Variants in FMN1 observed in about 807,000 individuals in gnomAD.
The protein encoded by FMN1 is formin 1.
In FMN1, 110 loss-of-function variants were observed where a neutral mutation model predicts 132.4. The observed-to-expected ratio is 0.83, with a 90% CI of 0.71 to 0.97. The LOEUF is 0.97. FMN1 is among the 50% of genes least tolerant of loss of function. FMN1 has a pLI of 0.00. For missense variants in FMN1, 1,792 were observed against 1,705.3 expected (o/e 1.05, Z -0.90); for synonymous variants, 722 against 651.7 (o/e 1.11, Z -1.64).
intron 3 of FMN1, among the ~76,000 whole-genome samples, chr15:33,171,479 A>G (rs1024941394): frequency 6.6e-6 from 1 of 152,146 alleles, no homozygotes; most frequent in East Asian, 1.9e-4. Context: ...TATCCTATAA[A>G]TAAGTACAAA....
intron 4 of FMN1, among the ~76,000 whole-genome samples, chr15:33,107,711 C>A (rs145283079): frequency 1.3e-5 from 2 of 152,184 alleles, no homozygotes; most frequent in African/African-American, 4.8e-5. Context: ...TTTTTGCCAA[C>A]AAGCTCTCTA....
intron 2 of FMN1, among the ~76,000 whole-genome samples, chr15:33,181,496 G>A (rs1330334212): frequency 1.3e-5 from 2 of 152,068 alleles, no homozygotes; most frequent in East Asian, 3.9e-4. Flanking sequence ...TCTGCCCGAT[G>A]GCTTTCTTAC....
chr15:32,797,534 C>G (rs1357533999), intron 19 of FMN1, among the ~76,000 whole-genome samples: 1 of 152,090 alleles, frequency 6.6e-6, no homozygotes, highest in African/African-American at 2.4e-5. Context: ...GGGTTGGGTG[C>G]CAAGATTTTT....
chr15:33,023,171 T>C (rs2141025425), intron 6 of FMN1, among the ~76,000 whole-genome samples: 1 of 141,536 alleles, frequency 7.1e-6, no homozygotes, highest in East Asian at 2.1e-4. Context: ...GTGAACCCAA[T>C]ACGCTATTAT....
intron 19 of FMN1, among the ~76,000 whole-genome samples, chr15:32,780,448 A>C (rs1374757167): frequency 6.6e-6 from 1 of 152,214 alleles, no homozygotes; most frequent in Admixed American, 6.5e-5. Flanking sequence ...GTTACCCTGT[A>C]TGGTCTTAAA....
At chr15:33,117,018 AC>A (rs2039954643) in intron 4 of FMN1, among the ~76,000 whole-genome samples, 1 of 152,174 alleles carries the variant, frequency 6.6e-6, no homozygotes, top group Admixed American at 6.5e-5. Context: ...TGTGGCACTG[AC>A]CCAAATTTCA....
Position 32,830,827 on chromosome 15 carries a change from G to A in FMN1, c.3928+26188C>T, listed in dbSNP as rs1359226908. On this transcript the variant is annotated intron_variant, in intron 17 of 20. Coordinates refer to ENST00000616417, the MANE Select transcript of FMN1 (RefSeq NM_001277313.2). ...AGGTGGAAATCAATTAGGGGTAGGAGCAGCGAGGGCCCTGGGGAGTGTTCA... is the reference window on the plus strand; with the variant it reads ...AGGTGGAAATCAATTAGGGGTAGGAACAGCGAGGGCCCTGGGGAGTGTTCA... 2.0e-5 allele frequency among the ~76,000 whole-genome samples: 3 copies of A among 152,148 alleles called. No individual in the cohort carries two copies. In the East Asian group the frequency reaches 5.8e-4, roughly 29 times the overall value.
At chr15:32,993,421 A>C (rs2033563509) in intron 7 of FMN1, among the ~76,000 whole-genome samples, 1 of 152,144 alleles carries the variant, frequency 6.6e-6, no homozygotes, top group South Asian at 2.1e-4. Flanking sequence ...CAAAACAAAC[A>C]GAACTGTGTT....
At chr15:32,988,060 T>TTTC (rs1281470892) in intron 7 of FMN1, among the ~76,000 whole-genome samples, 1 of 150,508 alleles carries the variant, frequency 6.6e-6, no homozygotes, top group African/African-American at 2.4e-5. Flanking sequence ...TTTTTTTTTT[T>TTTC]TTTTTTTTTT....
intron 7 of FMN1, among the ~76,000 whole-genome samples, chr15:32,997,481 G>T (rs554979115): frequency 1.3e-5 from 2 of 152,254 alleles, no homozygotes; most frequent in Admixed American, 6.5e-5. Context: ...GGCAGACCTG[G>T]TTGATGAATC....
At chr15:32,979,007 A>G (rs552186913) in intron 7 of FMN1, among the ~76,000 whole-genome samples, 6 of 152,228 alleles carry the variant, frequency 3.9e-5, no homozygotes, top group Non-Finnish European at 5.9e-5. Context: ...AAACTTATAC[A>G]TAAGACTCTA....
In FMN1 at chr15:32,771,167, C is replaced by T. The variant is rs920532013; in HGVS notation, c.*3143G>A. 1 of 151,528 alleles carries T rather than the reference C, an allele frequency of 6.6e-6. No individual in the cohort carries two copies. Among genetic ancestry groups the T allele is most frequent in the African/African-American group, 2.4e-5 (1 of 41,202 alleles). 9.4% of individuals were successfully genotyped at this position (151,528 alleles called of 1,614,324 possible). ...TATCTCGGCTAGCTGCAAGCTCCAC[C>T]TCCTGGGTTCACGCCATTCTCCTGC... On this transcript the variant is annotated 3_prime_UTR_variant, in exon 21 of 21. Coordinates refer to ENST00000616417, the MANE Select transcript of FMN1 (RefSeq NM_001277313.2).
intron 7 of FMN1, among the ~76,000 whole-genome samples, chr15:32,977,459 T>C (rs557304866): frequency 6.6e-6 from 1 of 152,374 alleles, no homozygotes; most frequent in South Asian, 2.1e-4. Flanking sequence ...TTGAAGTTTC[T>C]TGGCTCTCAG....
intron 19 of FMN1, among the ~76,000 whole-genome samples, chr15:32,782,116 T>TC (rs1214569206): frequency 6.6e-6 from 1 of 152,238 alleles, no homozygotes; most frequent in Non-Finnish European, 1.5e-5. Context: ...TTTGTGCCTC[T>TC]CTTAAGGTAC....
chr15:32,970,486 C>G (rs797006332), intron 7 of FMN1, among the ~76,000 whole-genome samples: 20 of 152,260 alleles, frequency 1.3e-4, no homozygotes, highest in African/African-American at 4.8e-4. Context: ...GTACATACCT[C>G]AGCAGCAATG....
chr15:33,106,669 G>C (rs2039499369), intron 4 of FMN1, among the ~76,000 whole-genome samples: 1 of 151,974 alleles, frequency 6.6e-6, no homozygotes, highest in Admixed American at 6.6e-5. Context: ...CAGCACCATT[G>C]AAATTTTGGG....
chr15:33,066,236 C>A (rs2037719043), intron 5 of FMN1, among the ~76,000 whole-genome samples: 1 of 152,138 alleles, frequency 6.6e-6, no homozygotes, highest in East Asian at 1.9e-4. Flanking sequence ...AGTGCGTTTA[C>A]CATCAACGTT....
chr15:32,992,970 C>T (rs573053188), intron 7 of FMN1, among the ~76,000 whole-genome samples: 6 of 152,278 alleles, frequency 3.9e-5, no homozygotes, highest in Non-Finnish European at 7.4e-5. Context: ...AAACATTTCT[C>T]GCCAAGATTG....
chr15:32,909,424 A>C (rs188102844), intron 11 of FMN1, among the ~76,000 whole-genome samples: 5 of 152,326 alleles, frequency 3.3e-5, no homozygotes, highest in African/African-American at 1.2e-4. Context: ...TTACTAGTGG[A>C]AACGTGAGAA....
Sources: gnomAD v4.1 joint callset for allele counts (sites outside exome capture counted in the v4.1 genomes callset) on GRCh38, gnomAD v4.1.1 for gene constraint, MANE v1.5 for transcripts, NCBI Gene and HGNC (gene_info 2026-07-23, HGNC 2026-07-21) for gene names.